The following CTCF variants were observed in gnomAD, a reference collection of about 807,000 sequenced individuals.
CTCF encodes the protein transcriptional repressor CTCF.
A neutral mutation model predicts 72.3 loss-of-function variants in CTCF; 7 were observed. That is an observed-to-expected ratio of 0.10 (90% CI 0.06 to 0.18). The LOEUF is 0.18. CTCF is among the 10% of genes least tolerant of loss of function. The pLI, the probability that CTCF is intolerant of heterozygous loss-of-function variation, is 1.00. For synonymous variants in CTCF, 374 were observed against 315.8 expected, an observed-to-expected ratio of 1.18 and a Z score of -1.95; for missense variants, 516 against 949.1, an observed-to-expected ratio of 0.54 and a Z score of 6.00.
intron 10 of CTCF, among the ~76,000 whole-genome samples, chr16:67,629,745 C>CTTTTTTTTTTTTTTTT (rs1567616725): frequency 5.9e-5 from 5 of 85,030 alleles, no homozygotes; most frequent in Admixed American, 1.6e-4. Context: ...TCATTAATGC[C>CTTTTTTTTTTTTTTTT]CTTTTTTTTT....
Position 67,609,241 on chromosome 16 carries a change from C to G in CTCF, c.-9-1583C>G, listed in dbSNP as rs2052023353. ...AATTCATATATGCATCATCTCACAT[C>G]CTTGTCATTTTTTGTGATGAGAACA... is the stretch of plus-strand genomic sequence containing the variant. On this transcript the variant is annotated intron_variant, in intron 2 of 11. Transcript: ENST00000264010. Among the ~76,000 whole-genome samples the G allele has an allele frequency of 3.3e-5, 5 of 152,214 alleles. No individual in the cohort carries two copies. The South Asian group carries it at 8.3e-4, about 25-fold the overall frequency.
intron 2 of CTCF, among the ~76,000 whole-genome samples, chr16:67,581,344 A>G (rs1011825443): frequency 7.1e-6 from 1 of 140,418 alleles, no homozygotes; most frequent in African/African-American, 2.7e-5. Flanking sequence ...TTTTTTTTTG[A>G]GACAGTCTCA....
intron 7 of CTCF, among the ~76,000 whole-genome samples, chr16:67,624,089 GTGTGTGTGTGTGTGTGTGTGTGTGTGTA>G (rs1244077849): frequency 1.9e-4 from 24 of 125,468 alleles, no homozygotes; most frequent in African/African-American, 6.7e-4. Context: ...GTGTGTGTGT[GTGTGTGTGTGTGTGTGTGTGTGTGTGTA>G]TGTGTGTGTA....
At chr16:67,594,824 T>C (rs1445973374) in intron 2 of CTCF, among the ~76,000 whole-genome samples, 1 of 152,188 alleles carries the variant, frequency 6.6e-6, no homozygotes, top group Admixed American at 6.6e-5. Flanking sequence ...GCATAGTTAC[T>C]GCCCTTAAAA....
chr16:67,628,928 C>T (rs537169455), intron 9 of CTCF, among the ~76,000 whole-genome samples: 64 of 152,102 alleles, frequency 4.2e-4, no homozygotes, highest in African/African-American at 1.3e-3. Flanking sequence ...GGTGCGGTGG[C>T]GGGCCCCTGT....
At chr16:67,634,737 T>C (rs1007147468) in intron 10 of CTCF, among the ~76,000 whole-genome samples, 17 of 151,092 alleles carry the variant, frequency 1.1e-4, no homozygotes, top group Admixed American at 9.3e-4. Context: ...GGAATCTCAC[T>C]CTGTTGCCCA....
chr16:67,626,797 C>T (rs2052293382), intron 8 of CTCF, 82 bp downstream of exon 8: 1 of 1,030,708 alleles, frequency 9.7e-7, no homozygotes, highest in South Asian at 3.9e-5. Flanking sequence ...AGTACAGTGG[C>T]TGTTTTTAAA....
At chr16:67,619,757 T>C (rs1290415901) in intron 5 of CTCF, among the ~76,000 whole-genome samples, 1 of 152,146 alleles carries the variant, frequency 6.6e-6, no homozygotes, top group Non-Finnish European at 1.5e-5. Context: ...CTAATTTTTG[T>C]ATTTTTTGTA....
chr16:67,600,007 C>T (rs558067699), intron 2 of CTCF, among the ~76,000 whole-genome samples: 1 of 152,158 alleles, frequency 6.6e-6, no homozygotes, highest in East Asian at 1.9e-4. Flanking sequence ...TGAAAGAGTA[C>T]TCAGAGACGA....
chr16:67,609,755 T>C (rs1056044140), intron 2 of CTCF, among the ~76,000 whole-genome samples: 2 of 151,900 alleles, frequency 1.3e-5, no homozygotes, highest in Non-Finnish European at 2.9e-5. Context: ...TCCCAAGAGC[T>C]GGGACTACAG....
chr16:67,630,811 G>C (rs755908662), intron 10 of CTCF, among the ~76,000 whole-genome samples: 61 of 152,142 alleles, frequency 4.0e-4, no homozygotes, highest in Non-Finnish European at 1.9e-4. Flanking sequence ...AAGAGTCTTG[G>C]TAACTTGGAG....
rs540667807 is a variant in CTCF, at chr16:67,569,236, G to A, written c.-126-1912G>A. Among the ~76,000 whole-genome samples, 3 of 151,796 alleles carry A rather than the reference G, an allele frequency of 2.0e-5. No individual in the cohort carries two copies. In the South Asian group the frequency reaches 6.3e-4, roughly 32 times the overall value. ...AGAGTCTCACTCTGTCGCCAGGCTG[G>A]AGTGCAGTGGCACGATCTTGGCTCA... On this transcript the variant is annotated intron_variant, in intron 1 of 11. Coordinates refer to ENST00000264010, the MANE Select transcript of CTCF (RefSeq NM_006565.4).
chr16:67,631,797 T>G (rs988444495), intron 10 of CTCF, among the ~76,000 whole-genome samples: 5 of 150,136 alleles, frequency 3.3e-5, no homozygotes, highest in Non-Finnish European at 7.4e-5. Context: ...TTGCAGCTGG[T>G]CATGGTGGCT....
intron 2 of CTCF, among the ~76,000 whole-genome samples, chr16:67,589,684 C>T (rs182386827): frequency 5.9e-5 from 9 of 152,318 alleles, no homozygotes; most frequent in Admixed American, 5.9e-4. Context: ...AGCTTTAGCA[C>T]AGTACTGATT....
At chr16:67,624,069 ATATGTGTGTGTGTGTGTGTGTGTG>A (rs2052242569) in intron 7 of CTCF, among the ~76,000 whole-genome samples, 1 of 91,456 alleles carries the variant, frequency 1.1e-5, no homozygotes, top group Non-Finnish European at 2.2e-5. Flanking sequence ...AAAAAATTAT[ATATGTGTGTGTGTGTGTGTGTGTG>A]TGTGTGTGTG....
rs1019613975 is a variant in CTCF, at chr16:67,593,136, A to G, written c.-9-17688A>G. Among the ~76,000 whole-genome samples, 15 of 150,860 alleles carry G rather than the reference A, an allele frequency of 9.9e-5. No individual in the cohort carries two copies. In the East Asian group the frequency reaches 2.9e-3, roughly 29 times the overall value. ...ATATGGTTTTTAATATATATTTTAT[A>G]CATATAAAGAGAAAGGTGCAAGGTA... On this transcript the variant is annotated intron_variant, in intron 2 of 11. Transcript: ENST00000264010.
At chr16:67,634,948 C>G (rs1202339944) in intron 10 of CTCF, among the ~76,000 whole-genome samples, 1 of 152,072 alleles carries the variant, frequency 6.6e-6, no homozygotes, top group African/African-American at 2.4e-5. Flanking sequence ...GGTGATCCAC[C>G]TGCCTCAACC....
At chr16:67,595,128 A>G (rs2051794519) in intron 2 of CTCF, among the ~76,000 whole-genome samples, 1 of 152,316 alleles carries the variant, frequency 6.6e-6, no homozygotes, top group East Asian at 1.9e-4. Context: ...TTTGAGCCTC[A>G]TTTCAGGAAG....
intron 10 of CTCF, among the ~76,000 whole-genome samples, chr16:67,631,680 AC>A (rs796178685): frequency 0.23 from 13,391 of 58,052 alleles, 895 homozygotes; most frequent in African/African-American, 0.33. Flanking sequence ...GGTCCCCCCC[AC>A]CCCCCCCCCC....
Sources: allele counts gnomAD v4.1 joint callset (sites outside exome capture counted in the v4.1 genomes callset), GRCh38; gene constraint gnomAD v4.1.1; transcripts MANE v1.5; gene names NCBI Gene and HGNC (gene_info 2026-07-23, HGNC 2026-07-21).